The following MGAT4C variants were observed in gnomAD, a reference collection of about 807,000 sequenced individuals.
MGAT4C encodes MGAT4 family member C, also known as alpha-1,3-mannosyl-glycoprotein 4-beta-N-acetylglucosaminyltransferase C.
MGAT4C carries 19 observed loss-of-function variants against 40.1 expected under a neutral mutation model. The ratio of observed to expected loss-of-function variants is 0.47; its 90% CI spans 0.33 to 0.70. MGAT4C has a LOEUF of 0.70. MGAT4C is among the 30% of genes least tolerant of loss of function. The pLI, the probability that MGAT4C is intolerant of heterozygous loss-of-function variation, is 0.02. For missense variants in MGAT4C, 491 were observed against 563.2 expected, an observed-to-expected ratio of 0.87 and a Z score of 1.30; for synonymous variants, 181 against 187.1, an observed-to-expected ratio of 0.97 and a Z score of 0.27.
At chr12:86,402,575 T>G (rs1956388499) in intron 3 of MGAT4C, among the ~76,000 whole-genome samples, 1 of 152,206 alleles carries the variant, frequency 6.6e-6, no homozygotes, top group South Asian at 2.1e-4. Context: ...GATAGGTAGA[T>G]AATAGATAAA....
At chr12:86,365,121 T>C (rs1168436629) in intron 3 of MGAT4C, among the ~76,000 whole-genome samples, 2 of 152,138 alleles carry the variant, frequency 1.3e-5, no homozygotes, top group Non-Finnish European at 2.9e-5. Context: ...AGTGGCCATT[T>C]CAGAGGTCCA....
At chr12:86,685,405 T>C (rs1249279022) in intron 2 of MGAT4C, among the ~76,000 whole-genome samples, 2 of 152,234 alleles carry the variant, frequency 1.3e-5, no homozygotes, top group Non-Finnish European at 2.9e-5. Context: ...ATATCTGTTT[T>C]GGTACCAGTG....
At chr12:86,488,074 G>T (rs1449202216) in intron 2 of MGAT4C, among the ~76,000 whole-genome samples, 1 of 152,032 alleles carries the variant, frequency 6.6e-6, no homozygotes, top group Non-Finnish European at 1.5e-5. Flanking sequence ...TAACATAAGA[G>T]TAATAAAAAC....
rs74833705 is a variant in MGAT4C, at chr12:85,973,870, G to A, written c.*5419C>T. The A allele has an allele frequency of 2.7e-5, 4 of 150,858 alleles. No individual in the cohort carries two copies. In the East Asian group the frequency reaches 7.7e-4, roughly 29 times the overall value. The allele number at this position is 150,858 out of a possible 1,614,324, so 9.3% of individuals were successfully genotyped here. A position where few individuals can be genotyped will look rare whatever the true frequency, so the allele number is the denominator to read the frequency against. ...TTCAGATCCAGTTATCTGGCAAATGGTCTCAAACATACATTTCAATTTCAA... is the reference window on the plus strand; with the variant it reads ...TTCAGATCCAGTTATCTGGCAAATGATCTCAAACATACATTTCAATTTCAA... On this transcript the variant is annotated 3_prime_UTR_variant, in exon 5 of 5. Transcript: ENST00000611864.
chr12:86,230,475 C>A (rs1236238461), intron 1 of MGAT4C, among the ~76,000 whole-genome samples: 1 of 152,120 alleles, frequency 6.6e-6, no homozygotes, highest in African/African-American at 2.4e-5. Flanking sequence ...AACTCAAAGG[C>A]ATTATTAGCA....
intron 2 of MGAT4C, chr12:86,727,157 T>C (rs184522111): frequency 6.6e-6 from 1 of 152,106 alleles, no homozygotes; most frequent in African/African-American, 2.4e-5. Context: ...GCAAATAAAG[T>C]CTCAACATAT....
chr12:86,698,656 A>T (rs1027031231), intron 2 of MGAT4C, among the ~76,000 whole-genome samples: 1 of 152,000 alleles, frequency 6.6e-6, no homozygotes, highest in Admixed American at 6.6e-5. Flanking sequence ...AACTCATGTC[A>T]TAAGTATGTA....
chr12:86,825,168 T>A (rs1378994224), intron 1 of MGAT4C, among the ~76,000 whole-genome samples: 1 of 151,176 alleles, frequency 6.6e-6, no homozygotes, highest in Non-Finnish European at 1.5e-5. Context: ...AGAAATGATA[T>A]AAACACCAAG....
At chr12:86,227,479 A>T in intron 1 of MGAT4C, among the ~76,000 whole-genome samples, 1 of 151,890 alleles carries the variant, frequency 6.6e-6, no homozygotes, top group East Asian at 1.9e-4. Flanking sequence ...TGCCTAAAAT[A>T]TTCTTACCTG....
At chr12:86,151,308 C>CA (rs1884239118) in intron 1 of MGAT4C, among the ~76,000 whole-genome samples, 1 of 89,148 alleles carries the variant, frequency 1.1e-5, no homozygotes, top group East Asian at 3.6e-4. Flanking sequence ...GAACACACAG[C>CA]GGAAAAAAAA....
chr12:86,002,930 A>T (rs1370875103), intron 2 of MGAT4C, among the ~76,000 whole-genome samples: 1 of 152,056 alleles, frequency 6.6e-6, no homozygotes, highest in African/African-American at 2.4e-5. Flanking sequence ...TATCCCAAGT[A>T]GCTGGGACTA....
At chr12:86,150,986 C>T (rs1884194683) in intron 1 of MGAT4C, among the ~76,000 whole-genome samples, 2 of 152,128 alleles carry the variant, frequency 1.3e-5, no homozygotes, top group Non-Finnish European at 2.9e-5. Flanking sequence ...CATGCAATGC[C>T]AGTGCAATTG....
At chr12:86,758,256 G>T (rs1422019354) in intron 1 of MGAT4C, among the ~76,000 whole-genome samples, 1 of 151,934 alleles carries the variant, frequency 6.6e-6, no homozygotes, top group East Asian at 1.9e-4. Context: ...GGTTTTACTA[G>T]ACCAAGTTGG....
At chr12:86,235,289 T>A (rs1269122947) in intron 1 of MGAT4C, among the ~76,000 whole-genome samples, 1 of 152,076 alleles carries the variant, frequency 6.6e-6, no homozygotes, top group African/African-American at 2.4e-5. Context: ...TCAATGAATT[T>A]TAACATACAC....
At chr12:86,277,284 G>A (rs1357024764) in intron 4 of MGAT4C, among the ~76,000 whole-genome samples, 1 of 151,934 alleles carries the variant, frequency 6.6e-6, no homozygotes, top group Admixed American at 6.6e-5. Flanking sequence ...TATATATTCT[G>A]GTTATTAATC....
chr12:86,709,786 C>A (rs1950526905), intron 2 of MGAT4C, among the ~76,000 whole-genome samples: 1 of 152,018 alleles, frequency 6.6e-6, no homozygotes, highest in Non-Finnish European at 1.5e-5. Context: ...TCTCATAGAC[C>A]TAATTATAAT....
chr12:86,343,075 G>A (rs1377735246), intron 3 of MGAT4C, among the ~76,000 whole-genome samples: 1 of 152,214 alleles, frequency 6.6e-6, no homozygotes, highest in South Asian at 2.1e-4. Context: ...AACGACTCAG[G>A]ATTCTTGCTG....
intron 1 of MGAT4C, among the ~76,000 whole-genome samples, chr12:86,766,264 A>G (rs1299299708): frequency 6.6e-6 from 1 of 152,088 alleles, no homozygotes; most frequent in Non-Finnish European, 1.5e-5. Context: ...ATCAAAAGAG[A>G]CAAAGAAGGC....
chr12:86,377,853 T>G (rs1182619816), intron 3 of MGAT4C, among the ~76,000 whole-genome samples: 2 of 152,106 alleles, frequency 1.3e-5, no homozygotes, highest in Non-Finnish European at 2.9e-5. Flanking sequence ...ACAGTAACTC[T>G]CCATTCTCCC....
Sources: gnomAD v4.1 joint callset for allele counts (sites outside exome capture counted in the v4.1 genomes callset) on GRCh38, gnomAD v4.1.1 for gene constraint, MANE v1.5 for transcripts, NCBI Gene and HGNC (gene_info 2026-07-23, HGNC 2026-07-21) for gene names.